The following PCDHGA2 variants were observed in gnomAD, a reference collection of about 807,000 sequenced individuals.
PCDHGA2 encodes the protein protocadherin gamma-A2.
PCDHGA2 carries 40 observed loss-of-function variants against 59.2 expected under a neutral mutation model. The ratio of observed to expected loss-of-function variants is 0.68; its 90% CI spans 0.52 to 0.88. PCDHGA2 has a LOEUF of 0.88. PCDHGA2 is among the 40% of genes least tolerant of loss of function. PCDHGA2 has a pLI of 0.00. For synonymous variants in PCDHGA2, 560 were observed against 526.0 expected (o/e 1.06, Z -0.89); for missense variants, 1,226 against 1,204.0 (o/e 1.02, Z -0.27).
At position 141,341,129 on chromosome 5, in the gene PCDHGA2, C is replaced by A. The variant is rs1036670206; in HGVS notation, c.2158C>A (p.His720Asn). 3.1e-6 allele frequency: 5 copies of A among 1,614,238 alleles called. No homozygotes were observed. The highest frequency in any genetic ancestry group is 3.4e-6 in the Non-Finnish European group (4 of 1,180,044). Residue 720 changes from histidine to asparagine, a missense_variant, in exon 1 of 4, where the codon CAC becomes AAC. Transcript: ENST00000394576. ...VLLAHRLRRWHKSRLLQASGG... is the reference protein window; with the variant it reads ...VLLAHRLRRWNKSRLLQASGG... Reference sequence around the variant, plus strand: ...GCTGGCGCACAGGCTGCGGCGCTGGCACAAGTCACGCCTGCTGCAGGCTTC... The same window carrying A: ...GCTGGCGCACAGGCTGCGGCGCTGGAACAAGTCACGCCTGCTGCAGGCTTC...
chr5:141,436,856 G>A (rs942357563), intron 1 of PCDHGA2, among the ~76,000 whole-genome samples: 2 of 152,246 alleles, frequency 1.3e-5, no homozygotes, highest in Admixed American at 1.3e-4. Context: ...TGATTGAGAA[G>A]CCACAGTTTT....
intron 1 of PCDHGA2, chr5:141,419,142 G>A (rs1351034238): frequency 6.2e-7 from 1 of 1,613,902 alleles, no homozygotes; most frequent in Non-Finnish European, 8.5e-7. Context: ...ACAGACAGGG[G>A]CAAGCCTCCG....
chr5:141,478,307 G>T, intron 1 of PCDHGA2: 3 of 1,614,056 alleles, frequency 1.9e-6, no homozygotes, highest in Non-Finnish European at 2.5e-6. Context: ...CCGAGCCCCG[G>T]TGAGCTCACT....
intron 1 of PCDHGA2, chr5:141,376,605 G>A (rs1772889995): frequency 1.2e-5 from 18 of 1,502,688 alleles, no homozygotes; most frequent in Middle Eastern, 3.5e-4. Flanking sequence ...TTATAGAAGC[G>A]AACCTCTTTT....
intron 1 of PCDHGA2, chr5:141,391,295 G>A (rs1373471979): frequency 6.6e-6 from 1 of 151,134 alleles, no homozygotes; most frequent in Non-Finnish European, 1.5e-5. Context: ...AGAAGGAAAC[G>A]TCTTTCGATT....
intron 1 of PCDHGA2, chr5:141,356,285 C>T: frequency 6.4e-7 from 1 of 1,556,606 alleles, no homozygotes. Context: ...TCTTCTTCCC[C>T]GGGTACAGTA....
chr5:141,505,960 G>A (rs2099849410), intron 3 of PCDHGA2, among the ~76,000 whole-genome samples: 1 of 152,202 alleles, frequency 6.6e-6, no homozygotes, highest in Non-Finnish European at 1.5e-5. Context: ...AGTGGGTGTA[G>A]AAATCCCCAG....
chr5:141,511,241 C>A lies in PCDHGA2; in HGVS notation c.*68C>A. On this transcript the variant is annotated 3_prime_UTR_variant, in exon 4 of 4. Coordinates refer to ENST00000394576, the MANE Select transcript of PCDHGA2 (RefSeq NM_018915.4). ...CCAGCCCAGCTTCTCCTTACCTGCA[C>A]CCAGGCCTCAGAGTTTCAGGGCTAA... 1 of 1,585,212 alleles carries A rather than the reference C, an allele frequency of 6.3e-7. No individual in the cohort carries two copies. The highest frequency in any genetic ancestry group is 8.6e-7 in the Non-Finnish European group (1 of 1,165,762).
At chr5:141,371,656 C>A (rs772257649) in intron 1 of PCDHGA2, 4 of 1,613,886 alleles carry the variant, frequency 2.5e-6, no homozygotes, top group East Asian at 2.2e-5. Flanking sequence ...TACAATGTGA[C>A]GATCACAGCT....
At chr5:141,410,849 CT>C (rs759346998) in intron 1 of PCDHGA2, 9,989 of 137,410 alleles carry the variant, frequency 0.073, 1 homozygote, top group South Asian at 0.15. Context: ...TTGTCTTTGT[CT>C]TTTTTTTTTT....
chr5:141,504,550 G>A (rs944574179), intron 2 of PCDHGA2, among the ~76,000 whole-genome samples: 2 of 151,586 alleles, frequency 1.3e-5, no homozygotes, highest in Non-Finnish European at 2.9e-5. Context: ...GCAAATGTTG[G>A]GGGACTGGCA....
chr5:141,383,295 A>G, intron 1 of PCDHGA2: 1 of 1,613,982 alleles, frequency 6.2e-7, no homozygotes, highest in Non-Finnish European at 8.5e-7. Context: ...ACGTTCCAAG[A>G]TTCTTGACGG....
chr5:141,428,167 G>GCGTGA (rs746443726), intron 1 of PCDHGA2: 3 of 1,548,998 alleles, frequency 1.9e-6, no homozygotes, highest in South Asian at 1.1e-5. Context: ...TGGTTGCTGT[G>GCGTGA]CGTGACGGAG....
chr5:141,461,560 T>G (rs1355320881), intron 1 of PCDHGA2, among the ~76,000 whole-genome samples: 1 of 152,234 alleles, frequency 6.6e-6, no homozygotes, highest in African/African-American at 2.4e-5. Context: ...ATGTGTACTT[T>G]GCAAAGATAA....
At chr5:141,455,634 G>T (rs1429708887) in intron 1 of PCDHGA2, among the ~76,000 whole-genome samples, 1 of 152,110 alleles carries the variant, frequency 6.6e-6, no homozygotes, top group African/African-American at 2.4e-5. Context: ...GAGATATGTG[G>T]GGGGCAGCCA....
At chr5:141,347,137 CTCTT>C (rs70988799) in intron 1 of PCDHGA2, among the ~76,000 whole-genome samples, 6,376 of 113,734 alleles carry the variant, frequency 0.056, 230 homozygotes, top group East Asian at 0.18. Context: ...CTCTGTTTCT[CTCTT>C]TCTTTCTTTC....
At chr5:141,421,225 G>A in intron 1 of PCDHGA2, 1 of 1,584,302 alleles carries the variant, frequency 6.3e-7, no homozygotes. Flanking sequence ...CTTAGAGCCT[G>A]CCATGGCGAA....
chr5:141,394,644 G>A, intron 1 of PCDHGA2: 2 of 1,613,358 alleles, frequency 1.2e-6, no homozygotes, highest in Non-Finnish European at 1.7e-6. Flanking sequence ...CCTGCTCAAG[G>A]CCAGCGAGCC....
intron 1 of PCDHGA2, chr5:141,413,606 TA>T (rs778210256): frequency 6.8e-6 from 11 of 1,613,848 alleles, no homozygotes; most frequent in Admixed American, 5.0e-5. Context: ...AATCTAGACG[TA>T]AAAATTAATG....
Sources: allele counts gnomAD v4.1 joint callset (sites outside exome capture counted in the v4.1 genomes callset), GRCh38; gene constraint gnomAD v4.1.1; transcripts MANE v1.5; gene names NCBI Gene and HGNC (gene_info 2026-07-23, HGNC 2026-07-21).